SLC15A2: variants seen among roughly 807,000 people sequenced by gnomAD.
The protein encoded by SLC15A2 is kidney H(+)/peptide cotransporter.
SLC15A2 carries 77 observed loss-of-function variants against 95.5 expected under a neutral mutation model. That is an observed-to-expected ratio of 0.81 (90% CI 0.67 to 0.97). SLC15A2 has a LOEUF of 0.97. Ranked by LOEUF, SLC15A2 falls within the 50% of genes least tolerant of loss-of-function variation. The probability of loss-of-function intolerance (pLI) is 0.00; values close to 1 mark genes in which losing one functional copy is unlikely to be tolerated. For synonymous variants in SLC15A2, 306 were observed against 306.9 expected, an observed-to-expected ratio of 1.00 and a Z score of 0.03; for missense variants, 893 against 874.4, an observed-to-expected ratio of 1.02 and a Z score of -0.27.
At chr3:121,929,242 T>A in intron 16 of SLC15A2, 60 bp from the exon 17 acceptor site, 1 of 1,605,202 alleles carries the variant, frequency 6.2e-7, no homozygotes, top group South Asian at 1.1e-5. Flanking sequence ...ATGATCAAAT[T>A]TTCTGAGTAT....
intron 13 of SLC15A2, among the ~76,000 whole-genome samples, chr3:121,926,151 T>C (rs1710117872): frequency 1.3e-5 from 2 of 152,234 alleles, no homozygotes; most frequent in South Asian, 4.1e-4. Context: ...AACATGGATT[T>C]AAAAAAGGAA....
intron 3 of SLC15A2, among the ~76,000 whole-genome samples, chr3:121,908,688 C>T (rs564847026): frequency 6.6e-6 from 1 of 152,164 alleles, no homozygotes; most frequent in East Asian, 1.9e-4. Flanking sequence ...TCTGTATATA[C>T]CTCTTCTTAG....
At position 121,911,740 on chromosome 3, in the gene SLC15A2, C is replaced by T. The variant is rs577892849; in HGVS notation, c.428+74C>T. 1.8e-5 allele frequency: 18 copies of T among 974,020 alleles called. No individual in the cohort carries two copies. In the East Asian group the frequency reaches 4.2e-4, roughly 23 times the overall value. The allele number at this position is 974,020 out of a possible 1,614,324, so 60.3% of individuals were successfully genotyped here. Reference sequence around the variant, plus strand: ...TACAAATTATTTTCTGTTTTCTTACCAGAGATGTCTCTTTATTTTCAATCT... The same window carrying T: ...TACAAATTATTTTCTGTTTTCTTACTAGAGATGTCTCTTTATTTTCAATCT... On this transcript the variant is annotated intron_variant, in intron 4 of 21. Transcript: ENST00000489711.
intron 7 of SLC15A2, among the ~76,000 whole-genome samples, chr3:121,921,182 T>C (rs185660713): frequency 2.5e-4 from 38 of 152,362 alleles, no homozygotes; most frequent in Admixed American, 6.5e-5. Flanking sequence ...GAAGTGTTTG[T>C]ATAAATGATG....
chr3:121,905,284 T>C (rs1007919415), intron 3 of SLC15A2, among the ~76,000 whole-genome samples: 2 of 152,188 alleles, frequency 1.3e-5, no homozygotes, highest in African/African-American at 4.8e-5. Context: ...ATTTTGTTGA[T>C]CTTTCAAAAA....
intron 3 of SLC15A2, among the ~76,000 whole-genome samples, chr3:121,905,314 G>A (rs1279209880): frequency 6.6e-6 from 1 of 152,038 alleles, no homozygotes; most frequent in African/African-American, 2.4e-5. Flanking sequence ...TGGATTCGTT[G>A]ATTTTTTGAA....
In SLC15A2 at chr3:121,897,004, G is replaced by A. The variant is rs188021764; in HGVS notation, c.194-384G>A. On this transcript the variant is annotated intron_variant, in intron 2 of 21. Transcript: ENST00000489711. Reference sequence around the variant, plus strand: ...ATGAGCTAACAGCTCTTGGCTAAGGGCTCATACCTGAGGAACAGGTATGAA... The same window carrying A: ...ATGAGCTAACAGCTCTTGGCTAAGGACTCATACCTGAGGAACAGGTATGAA... Among the ~76,000 whole-genome samples the A allele has an allele frequency of 8.2e-4, 123 of 149,946 alleles. 2 individuals carry two copies. The South Asian group carries it at 9.3e-3, about 11-fold the overall frequency.
chr3:121,940,762 C>T (rs41271421), intron 21 of SLC15A2, 69 bp from the exon 22 acceptor site: 39,025 of 1,513,072 alleles, frequency 0.026, 632 homozygotes, highest in Non-Finnish European at 0.032. Context: ...CTCCCCACTC[C>T]TCATCCTGTA....
At chr3:121,937,703 G>C (rs1012430362) in intron 19 of SLC15A2, among the ~76,000 whole-genome samples, 1 of 152,018 alleles carries the variant, frequency 6.6e-6, no homozygotes, top group Non-Finnish European at 1.5e-5. Flanking sequence ...CTTTGCCTTT[G>C]GTTTGAATGT....
chr3:121,909,600 C>G (rs778226861), intron 3 of SLC15A2, among the ~76,000 whole-genome samples: 3 of 152,034 alleles, frequency 2.0e-5, no homozygotes, highest in East Asian at 1.9e-4. Context: ...AAACTATTTC[C>G]TATGAGGTTT....
chr3:121,915,146 C>T, intron 5 of SLC15A2, 81 bp from the exon 6 acceptor site: 1 of 1,194,284 alleles, frequency 8.4e-7, no homozygotes, highest in East Asian at 2.4e-5. Flanking sequence ...TTTGTGTGTA[C>T]CTTCAGCTCT....
Position 121,924,983 on chromosome 3 carries a change from G to T in SLC15A2, c.1074G>T (p.Leu358Phe), listed in dbSNP as rs1274547858. 6 of 1,613,192 alleles carry T rather than the reference G, an allele frequency of 3.7e-6. No individual in the cohort carries two copies. The Admixed American group carries it at 5.0e-5, about 13-fold the overall frequency. ...NPLLVLIFIPLFDFVIYRLVS... is the reference protein window; with the variant it reads ...NPLLVLIFIPFFDFVIYRLVS... ...TTCTGGTTCTTATCTTCATCCCGTT[G>T]TTTGACTTTGTCATTTATCGTCTGG... The change falls in exon 13 of 22, where the codon TTG becomes TTT. Residue 358 changes from leucine (L) to phenylalanine (F), a missense_variant. Leu to Phe is a conservative substitution (Grantham distance 22). Coordinates refer to ENST00000489711, the MANE Select transcript of SLC15A2 (RefSeq NM_021082.4).
chr3:121,904,302 A>G (rs576109182), intron 3 of SLC15A2, among the ~76,000 whole-genome samples: 1 of 152,164 alleles, frequency 6.6e-6, no homozygotes, highest in African/African-American at 2.4e-5. Flanking sequence ...GCAAACAGGG[A>G]CATTTTGACT....
rs752021981 is a variant in SLC15A2, at chr3:121,928,972, C to A, written c.1342-10C>A. The A allele has an allele frequency of 6.2e-7, 1 of 1,612,846 alleles. No homozygotes were observed. ...TACGTGACCTTCATTTTATATTCTT[C>A]ATTTTACAGAAAACACCACACTATT... On this transcript the variant is annotated splice_polypyrimidine_tract_variant and intron_variant, in intron 15 of 21. Transcript: ENST00000489711.
rs543182785 is a variant in SLC15A2 at position 121,896,505 on chromosome 3, T to C, written c.193+12T>C. The C allele has an allele frequency of 1.3e-3, 2,108 of 1,605,956 alleles. 38 individuals are homozygous for C. In the South Asian group the frequency reaches 0.022, roughly 17 times the overall value. ...TTATGGAATGAAAGGTAATTTTGTGTCCAAGAGTCCTACCTACTCTCCTCC... is the reference window on the plus strand; with the variant it reads ...TTATGGAATGAAAGGTAATTTTGTGCCCAAGAGTCCTACCTACTCTCCTCC... On this transcript the variant is annotated intron_variant, in intron 2 of 21. Transcript: ENST00000489711.
intron 2 of SLC15A2, among the ~76,000 whole-genome samples, chr3:121,897,111 A>G (rs946657266): frequency 2.6e-5 from 4 of 151,382 alleles, no homozygotes; most frequent in Non-Finnish European, 5.9e-5. Context: ...GCACCATGTT[A>G]TGTTCATGGT....
intron 19 of SLC15A2, 23 bp from the exon 20 acceptor site, chr3:121,939,326 T>C: frequency 6.8e-7 from 1 of 1,474,526 alleles, no homozygotes; most frequent in Non-Finnish European, 9.0e-7. Flanking sequence ...GACAAGTCCA[T>C]TTCCATTTTC....
chr3:121,937,843 G>C (rs1001426921), intron 19 of SLC15A2, among the ~76,000 whole-genome samples: 21 of 152,040 alleles, frequency 1.4e-4, no homozygotes, highest in Admixed American at 1.4e-3. Context: ...GAGGTGCTCT[G>C]CTTTTTAGAG....
At chr3:121,935,625 T>TA (rs1461872120) in intron 19 of SLC15A2, among the ~76,000 whole-genome samples, 1 of 152,018 alleles carries the variant, frequency 6.6e-6, no homozygotes, top group East Asian at 1.9e-4. Flanking sequence ...CTTTATCATT[T>TA]TTTATTGCGT....
Sources: allele counts gnomAD v4.1 joint callset (sites outside exome capture counted in the v4.1 genomes callset), GRCh38; gene constraint gnomAD v4.1.1; transcripts MANE v1.5; gene names NCBI Gene and HGNC (gene_info 2026-07-23, HGNC 2026-07-21).